ADAMTS17: variants seen among roughly 807,000 people sequenced by gnomAD.
The protein encoded by ADAMTS17 is A disintegrin and metalloproteinase with thrombospondin motifs 17.
A neutral mutation model predicts 141.5 loss-of-function variants in ADAMTS17; 113 were observed. The ratio of observed to expected loss-of-function variants is 0.80; its 90% CI spans 0.69 to 0.93. The LOEUF is 0.93. Ranked by LOEUF, ADAMTS17 falls within the 40% of genes least tolerant of loss-of-function variation. ADAMTS17 has a pLI of 0.00. For missense variants in ADAMTS17, 1,659 were observed against 1,517.9 expected, an observed-to-expected ratio of 1.09 and a Z score of -1.54; for synonymous variants, 768 against 630.6, an observed-to-expected ratio of 1.22 and a Z score of -3.27.
At position 100,082,002 on chromosome 15, in the gene ADAMTS17, A is replaced by G. The variant is rs1349165317; in HGVS notation, c.2137+14354T>C. Among the ~76,000 whole-genome samples the G allele has an allele frequency of 2.6e-5, 4 of 152,194 alleles. No homozygotes were observed. The East Asian group carries it at 7.7e-4, about 29-fold the overall frequency. Reference sequence around the variant, plus strand: ...TTTGGACTCAGACTCTTTACTTACTAGACATGTTGCAAAAATTGTCAGTCT... The same window carrying G: ...TTTGGACTCAGACTCTTTACTTACTGGACATGTTGCAAAAATTGTCAGTCT... On this transcript the variant is annotated intron_variant, in intron 15 of 21. Transcript: ENST00000268070.
chr15:100,155,653 T>G (rs1249742407), intron 8 of ADAMTS17, among the ~76,000 whole-genome samples: 1 of 152,262 alleles, frequency 6.6e-6, no homozygotes, highest in Non-Finnish European at 1.5e-5. Flanking sequence ...ACTTGTTTTC[T>G]TACATTAAAT....
intron 8 of ADAMTS17, among the ~76,000 whole-genome samples, chr15:100,176,773 C>T (rs1404963166): frequency 2.0e-5 from 3 of 152,218 alleles, no homozygotes; most frequent in Admixed American, 6.5e-5. Context: ...TAACCACCGT[C>T]CTCCCTATCC....
chr15:100,134,539 C>T (rs957007396), intron 10 of ADAMTS17, among the ~76,000 whole-genome samples: 3 of 152,216 alleles, frequency 2.0e-5, no homozygotes, highest in African/African-American at 7.2e-5. Context: ...GCTCCTGTAG[C>T]TGGTGCAGGG....
chr15:100,185,078 C>T (rs1056600960), intron 8 of ADAMTS17, among the ~76,000 whole-genome samples: 4 of 152,296 alleles, frequency 2.6e-5, no homozygotes, highest in Admixed American at 1.3e-4. Context: ...AATCTGAAAG[C>T]GCTACAGTCT....
intron 7 of ADAMTS17, among the ~76,000 whole-genome samples, chr15:100,224,326 G>A (rs4965290): frequency 0.16 from 24,685 of 152,084 alleles, 2,256 homozygotes; most frequent in Non-Finnish European, 0.21. Context: ...AGGGTGGGGG[G>A]TACAGATATA....
intron 15 of ADAMTS17, among the ~76,000 whole-genome samples, chr15:100,071,094 A>G (rs939291628): frequency 3.3e-5 from 5 of 150,608 alleles, no homozygotes; most frequent in African/African-American, 9.8e-5. Context: ...ACAAACTGCC[A>G]TCAGAGATAC....
rs535694449 is a variant in ADAMTS17 at position 99,971,664 on chromosome 15, C to A, written c.*2738G>T. The A allele has an allele frequency of 2.0e-5, 3 of 152,146 alleles. No homozygotes were observed. Among genetic ancestry groups the A allele is most frequent in the Non-Finnish European group, 4.4e-5 (3 of 68,028 alleles). The allele number at this position is 152,146 out of a possible 1,614,324, so 9.4% of individuals were successfully genotyped here. A position where few individuals can be genotyped will look rare whatever the true frequency, so the allele number is the denominator to read the frequency against. On this transcript the variant is annotated 3_prime_UTR_variant, in exon 22 of 22. Coordinates refer to ENST00000268070, the MANE Select transcript of ADAMTS17 (RefSeq NM_139057.4). ...GACTCTGAAACGAAAAAAGGACAAT[C>A]GTATTGCCATAGAGGCTCTTTTCCT...
At chr15:100,229,385 C>T (rs1017929228) in intron 7 of ADAMTS17, among the ~76,000 whole-genome samples, 3 of 151,390 alleles carry the variant, frequency 2.0e-5, no homozygotes, top group African/African-American at 7.3e-5. Flanking sequence ...GTTGCTGATG[C>T]CTTCCCTTGC....
intron 20 of ADAMTS17, among the ~76,000 whole-genome samples, chr15:99,988,421 A>G (rs959119467): frequency 3.9e-5 from 6 of 152,310 alleles, no homozygotes; most frequent in African/African-American, 1.4e-4. Context: ...AGGCCTCCCC[A>G]GAAGCAGATG....
chr15:100,334,703 G>A (rs899817118), intron 2 of ADAMTS17, among the ~76,000 whole-genome samples: 3 of 152,148 alleles, frequency 2.0e-5, no homozygotes, highest in Admixed American at 6.5e-5. Context: ...CACCTGGAGG[G>A]CCCCTCCCCC....
rs199551177 is a variant in ADAMTS17 at position 100,247,881 on chromosome 15, TC to T, written c.1075+6254del. Among the ~76,000 whole-genome samples, 937 of 150,550 alleles carry T rather than the reference TC, an allele frequency of 6.2e-3. 10 individuals carry two copies. Among genetic ancestry groups the T allele is most frequent in the African/African-American group, 0.021 (873 of 40,854 alleles). On this transcript the variant is annotated intron_variant, in intron 7 of 21. Coordinates refer to ENST00000268070, the MANE Select transcript of ADAMTS17 (RefSeq NM_139057.4). ...AACACCACCGTCCTGGCCAGCAATA[TC>T]CCCCACCCGCACTTCCTCCACCCAC...
intron 13 of ADAMTS17, among the ~76,000 whole-genome samples, chr15:100,112,823 G>A (rs2036870697): frequency 6.6e-6 from 1 of 152,114 alleles, no homozygotes; most frequent in Admixed American, 6.5e-5. Context: ...GGTGGTCACA[G>A]GCAGGGCAGG....
intron 15 of ADAMTS17, among the ~76,000 whole-genome samples, chr15:100,082,196 G>C (rs2034786161): frequency 6.6e-6 from 1 of 152,122 alleles, no homozygotes; most frequent in Non-Finnish European, 1.5e-5. Flanking sequence ...CTCCCGAGTA[G>C]CTGGGACTAC....
intron 20 of ADAMTS17, among the ~76,000 whole-genome samples, chr15:99,990,911 G>C (rs2060677558): frequency 6.6e-6 from 1 of 152,164 alleles, no homozygotes; most frequent in Non-Finnish European, 1.5e-5. Context: ...ACAAAAACAA[G>C]CAATGGGGAA....
intron 15 of ADAMTS17, among the ~76,000 whole-genome samples, chr15:100,069,173 C>T (rs550047317): frequency 2.0e-4 from 31 of 151,822 alleles, no homozygotes; most frequent in South Asian, 4.2e-4. Flanking sequence ...TAAAATGAAG[C>T]GAGAAGAGAA....
intron 18 of ADAMTS17, among the ~76,000 whole-genome samples, chr15:100,004,605 GAT>G (rs1389621919): frequency 6.7e-6 from 1 of 149,068 alleles, no homozygotes; most frequent in Non-Finnish European, 1.5e-5. Context: ...TTAAAAGCAT[GAT>G]ACTGTAATTC....
chr15:100,297,985 C>A (rs191184526), intron 3 of ADAMTS17, among the ~76,000 whole-genome samples: 3 of 151,936 alleles, frequency 2.0e-5, no homozygotes, highest in African/African-American at 4.8e-5. Flanking sequence ...AGCAGAGTGC[C>A]CAGGAAGGAA....
At chr15:99,983,205 G>A (rs1206306599) in intron 20 of ADAMTS17, among the ~76,000 whole-genome samples, 2 of 152,068 alleles carry the variant, frequency 1.3e-5, no homozygotes, top group Admixed American at 6.6e-5. Flanking sequence ...TGCTGTGTAC[G>A]GGGGACCGGG....
Position 99,972,610 on chromosome 15 carries a change from A to AGG in ADAMTS17, c.*1790_*1791dup, listed in dbSNP as rs775156625. 6.6e-6 allele frequency: 1 copy of AGG among 151,740 alleles called. No homozygotes were observed. The highest frequency in any genetic ancestry group is 1.5e-5 in the Non-Finnish European group (1 of 67,884). 9.4% of individuals were successfully genotyped at this position (151,740 alleles called of 1,614,324 possible). A position where few individuals can be genotyped will look rare whatever the true frequency, so the allele number is the denominator to read the frequency against. On this transcript the variant is annotated 3_prime_UTR_variant, in exon 22 of 22. Coordinates refer to ENST00000268070, the MANE Select transcript of ADAMTS17 (RefSeq NM_139057.4). ...GGAGTCTGCTGGTGGCCAGGCCTGA[A>AGG]GGGGAGGACAGCAGTCTGCGCAGGC...
Sources: gnomAD v4.1 joint callset for allele counts (sites outside exome capture counted in the v4.1 genomes callset) on GRCh38, gnomAD v4.1.1 for gene constraint, MANE v1.5 for transcripts, NCBI Gene and HGNC (gene_info 2026-07-23, HGNC 2026-07-21) for gene names.